PCDH15: variants seen among roughly 807,000 people sequenced by gnomAD.
PCDH15 encodes protocadherin related 15.
A neutral mutation model predicts 178.5 loss-of-function variants in PCDH15; 129 were observed. The observed-to-expected ratio is 0.72, with a 90% CI of 0.63 to 0.84. PCDH15 has a LOEUF of 0.84. Among genes scored for constraint, PCDH15 ranks in the 40% least tolerant of loss-of-function variants. The pLI, the probability that PCDH15 is intolerant of heterozygous loss-of-function variation, is 0.00. For missense variants in PCDH15, 2,230 were observed against 2,099.9 expected, an observed-to-expected ratio of 1.06 and a Z score of -1.21; for synonymous variants, 800 against 732.0, an observed-to-expected ratio of 1.09 and a Z score of -1.50.
intron 15 of PCDH15, among the ~76,000 whole-genome samples, chr10:54,132,183 A>G (rs2133050603): frequency 6.6e-6 from 1 of 152,310 alleles, no homozygotes; most frequent in South Asian, 2.1e-4. Context: ...GTGAAAATAT[A>G]TCAACACCGT....
intron 6 of PCDH15, among the ~76,000 whole-genome samples, chr10:54,339,473 A>C (rs1941830867): frequency 6.6e-6 from 1 of 152,220 alleles, no homozygotes; most frequent in Admixed American, 6.5e-5. Flanking sequence ...TGTCCAGTAC[A>C]TATTTTTACA....
At chr10:54,395,516 C>A (rs1180785432) in intron 3 of PCDH15, among the ~76,000 whole-genome samples, 1 of 151,104 alleles carries the variant, frequency 6.6e-6, no homozygotes, top group Non-Finnish European at 1.5e-5. Context: ...AAATGACATA[C>A]AATAGGTCCT....
At chr10:55,139,026 T>C (rs1402621039) in intron 2 of PCDH15, among the ~76,000 whole-genome samples, 2 of 152,142 alleles carry the variant, frequency 1.3e-5, no homozygotes, top group Non-Finnish European at 2.9e-5. Flanking sequence ...CTGGTAAGTA[T>C]GAAGGATATT....
intron 29 of PCDH15, among the ~76,000 whole-genome samples, chr10:53,839,290 T>C (rs2132743165): frequency 6.6e-6 from 1 of 151,792 alleles, no homozygotes; most frequent in East Asian, 1.9e-4. Context: ...TAAATCATTA[T>C]TTTATTATTG....
At chr10:54,905,749 C>A (rs1048045462) in intron 2 of PCDH15, among the ~76,000 whole-genome samples, 8 of 152,010 alleles carry the variant, frequency 5.3e-5, no homozygotes, top group Admixed American at 4.6e-4. Context: ...TGGACAAGAA[C>A]AGGGGTTGAG....
At chr10:54,445,768 G>A (rs1300533840) in intron 3 of PCDH15, among the ~76,000 whole-genome samples, 1 of 151,170 alleles carries the variant, frequency 6.6e-6, no homozygotes, top group Non-Finnish European at 1.5e-5. Flanking sequence ...TATGCACCTG[G>A]TGTCTATTAT....
In PCDH15 at chr10:54,317,271, C is replaced by T. The variant is rs1051527356; in HGVS notation, c.876G>A (p.Pro292=). ...TGGAGAAAGATAAGAGTATATTTACCGGAGTTCTCAACTCAGGTATGGCAG... is the reference window on the plus strand; with the variant it reads ...TGGAGAAAGATAAGAGTATATTTACTGGAGTTCTCAACTCAGGTATGGCAG... ...YQAAIPELRT[P]EELNPIIVTP... The change falls in exon 8 of 38, where the codon CCG becomes CCA. Residue 292 remains proline, a splice_region_variant and synonymous_variant. Transcript: ENST00000644397. 46 of 1,612,622 alleles carry T rather than the reference C, an allele frequency of 2.9e-5. 1 individual carries two copies. In the Admixed American group the frequency reaches 3.2e-4, roughly 11 times the overall value.
intron 15 of PCDH15, among the ~76,000 whole-genome samples, chr10:54,097,488 G>T (rs1318025631): frequency 1.3e-5 from 2 of 152,064 alleles, no homozygotes; most frequent in African/African-American, 2.4e-5. Context: ...CTATCAAATT[G>T]TATTTTCCCA....
chr10:55,555,299 T>TC (rs565938745), intron 2 of PCDH15, among the ~76,000 whole-genome samples: 101 of 152,234 alleles, frequency 6.6e-4, no homozygotes, highest in East Asian at 5.8e-4. Flanking sequence ...TATATAATTT[T>TC]CCCTTGTTCA....
intron 2 of PCDH15, among the ~76,000 whole-genome samples, chr10:55,379,107 G>T (rs1235521169): frequency 1.9e-4 from 28 of 148,454 alleles, no homozygotes. Flanking sequence ...CACATACATT[G>T]ATATATATAT....
At chr10:54,148,401 T>C (rs1465581756) in intron 14 of PCDH15, among the ~76,000 whole-genome samples, 1 of 152,074 alleles carries the variant, frequency 6.6e-6, no homozygotes, top group Non-Finnish European at 1.5e-5. Flanking sequence ...TCTCATACAC[T>C]TTAAATCATC....
At chr10:53,834,831 A>T in intron 29 of PCDH15, among the ~76,000 whole-genome samples, 1 of 152,184 alleles carries the variant, frequency 6.6e-6, no homozygotes, top group East Asian at 1.9e-4. Context: ...GTGACTGATT[A>T]CCTTGATGAT....
At chr10:53,919,995 G>T (rs2133866285) in intron 25 of PCDH15, among the ~76,000 whole-genome samples, 1 of 152,246 alleles carries the variant, frequency 6.6e-6, no homozygotes, top group East Asian at 1.9e-4. Flanking sequence ...AGATAATCTG[G>T]TTGGAATTAA....
At chr10:54,846,141 A>T (rs1291541323) in intron 3 of PCDH15, among the ~76,000 whole-genome samples, 2 of 152,266 alleles carry the variant, frequency 1.3e-5, no homozygotes, top group South Asian at 2.1e-4. Context: ...TATTGCTGCT[A>T]TGTAACTGCA....
At chr10:55,521,032 T>C (rs969737010) in intron 2 of PCDH15, among the ~76,000 whole-genome samples, 2 of 151,994 alleles carry the variant, frequency 1.3e-5, no homozygotes, top group African/African-American at 4.8e-5. Flanking sequence ...CCATGCTGTA[T>C]ATTAGACTCC....
chr10:55,531,247 A>G (rs1031384310), intron 2 of PCDH15, among the ~76,000 whole-genome samples: 2 of 152,016 alleles, frequency 1.3e-5, no homozygotes, highest in African/African-American at 4.8e-5. Context: ...CTACCTTTAA[A>G]GCCTACTGGT....
At chr10:54,896,414 G>A (rs1954546361) in intron 3 of PCDH15, among the ~76,000 whole-genome samples, 1 of 151,852 alleles carries the variant, frequency 6.6e-6, no homozygotes, top group South Asian at 2.1e-4. Context: ...TGAAAGTTCT[G>A]GTGAGAATAT....
At chr10:55,450,635 T>G (rs1286859376) in intron 2 of PCDH15, among the ~76,000 whole-genome samples, 1 of 152,180 alleles carries the variant, frequency 6.6e-6, no homozygotes, top group African/African-American at 2.4e-5. Flanking sequence ...GTAGTTCTAT[T>G]GTATAGTCTT....
At chr10:53,941,157 AC>A (rs2086030447) in intron 23 of PCDH15, among the ~76,000 whole-genome samples, 182 bp from the exon 24 acceptor site, 1 of 152,128 alleles carries the variant, frequency 6.6e-6, no homozygotes. Context: ...TAAATGATGA[AC>A]CTACATTGAC....
Sources: gnomAD v4.1 joint callset for allele counts (sites outside exome capture counted in the v4.1 genomes callset) on GRCh38, gnomAD v4.1.1 for gene constraint, MANE v1.5 for transcripts, NCBI Gene and HGNC (gene_info 2026-07-23, HGNC 2026-07-21) for gene names.